TMBIM6: variants seen among roughly 807,000 people sequenced by gnomAD.
TMBIM6 encodes the protein transmembrane BAX inhibitor motif containing 6, also known as bax inhibitor 1.
Under a neutral mutation model 31.4 loss-of-function variants are expected in TMBIM6, and 13 were observed. The ratio of observed to expected loss-of-function variants is 0.41; its 90% confidence interval spans 0.27 to 0.66. The LOEUF is 0.66. Among genes scored for constraint, TMBIM6 ranks in the 30% least tolerant of loss-of-function variants. The pLI is 0.28. For synonymous variants in TMBIM6, 85 were observed against 101.7 expected, an observed-to-expected ratio of 0.84 and a Z score of 0.99; for missense variants, 275 against 289.5, an observed-to-expected ratio of 0.95 and a Z score of 0.36.
chr12:49,763,234 TC>T lies in TMBIM6; in HGVS notation c.*339del. ...AGTCCGCTTTCCCACCAGGCTTCAT[TC>T]ACCCAGTGGACCTGAACTGTTTGGT... On this transcript the variant is annotated 3_prime_UTR_variant, in exon 10 of 10. Transcript: ENST00000267115. 4.1e-6 allele frequency: 1 copy of T among 244,412 alleles called. No homozygotes were observed. The highest frequency in any genetic ancestry group is 8.2e-6 in the Non-Finnish European group (1 of 122,064). 15.1% of individuals were successfully genotyped at this position (244,412 alleles called of 1,614,324 possible). A position where few individuals can be genotyped will look rare whatever the true frequency, so the allele number is the denominator to read the frequency against.
intron 7 of TMBIM6, 23 bp downstream of exon 7, chr12:49,758,785 C>T: frequency 6.3e-7 from 1 of 1,597,196 alleles, no homozygotes. Flanking sequence ...CTGGAACTTT[C>T]CAGCAGCCAT....
At chr12:49,759,193 T>C (rs769293472) in intron 7 of TMBIM6, 28 bp from the exon 8 acceptor site, 1 of 1,591,820 alleles carries the variant, frequency 6.3e-7, no homozygotes, top group Non-Finnish European at 8.6e-7. Flanking sequence ...TTCTGCTGTA[T>C]AGTAACTTCA....
In TMBIM6 at chr12:49,763,676, T is replaced by C. The variant is rs988815749; in HGVS notation, c.*780T>C. 1 of 152,234 alleles carries C rather than the reference T, an allele frequency of 6.6e-6. No homozygotes were observed. The highest frequency in any genetic ancestry group is 2.4e-5 in the African/African-American group (1 of 41,436). The allele number at this position is 152,234 out of a possible 1,614,324, so 9.4% of individuals were successfully genotyped here. A position where few individuals can be genotyped will look rare whatever the true frequency, so the allele number is the denominator to read the frequency against. On this transcript the variant is annotated 3_prime_UTR_variant, in exon 10 of 10. Transcript: ENST00000267115. Reference sequence around the variant, plus strand: ...GGGTTCCCCTAAACTTGCCCTGTTTTTGTTTTTTTAGTTTGTTATCCCCTT... The same window carrying C: ...GGGTTCCCCTAAACTTGCCCTGTTTCTGTTTTTTTAGTTTGTTATCCCCTT...
Position 49,755,665 on chromosome 12 carries a change from A to G in TMBIM6, c.196A>G (p.Ile66Val). 1 of 1,614,136 alleles carries G rather than the reference A, an allele frequency of 6.2e-7. No homozygotes were observed. Among genetic ancestry groups the G allele is most frequent in the Middle Eastern group, 1.6e-4 (1 of 6,062 alleles). Residue 66 changes from isoleucine (I) to valine (V), a missense_variant, in exon 4 of 10, where the codon ATA (isoleucine) becomes GTA (valine). Transcript: ENST00000267115. The stretch of plus-strand genomic sequence containing the variant: ...CCTGCTGTCTGCCTTGGGCTCCCTG[A>G]TATTGATGATTTGGCTGATGGCAAC... Reference protein sequence around the residue: ...AGLLSALGSLILMIWLMATPH... With the variant: ...AGLLSALGSLVLMIWLMATPH...
intron 8 of TMBIM6, 70 bp downstream of exon 8, chr12:49,759,391 T>C: frequency 7.4e-7 from 1 of 1,358,536 alleles, no homozygotes; most frequent in Admixed American, 1.7e-5. Context: ...GAACTTAGGT[T>C]GGCATTGGCT....
chr12:49,755,716 A>G lies in TMBIM6; in HGVS notation c.247A>G (p.Lys83Glu). 1 of 1,614,178 alleles carries G rather than the reference A, an allele frequency of 6.2e-7. No homozygotes were observed. The highest frequency in any genetic ancestry group is 8.5e-7 in the Non-Finnish European group (1 of 1,179,994). The change falls in exon 4 of 10, where the codon AAA (lysine) becomes GAA (glutamate). Residue 83 changes from lysine to glutamate, a missense_variant. Transcript: ENST00000267115. ...ACCTCATAGCCATGAAACTGAACAG[A>G]AAAGACTGGGACTTCTTGCTGGATT... ...ATPHSHETEQ[K>E]RLGLLAGFAF...
chr12:49,747,929 A>C (rs1023072554), intron 1 of TMBIM6, among the ~76,000 whole-genome samples: 1 of 152,088 alleles, frequency 6.6e-6, no homozygotes, highest in Non-Finnish European at 1.5e-5. Context: ...TTTTACACGT[A>C]GTCTCGCACT....
Position 49,744,305 on chromosome 12 carries a change from C to T in TMBIM6, c.-31+2694C>T, listed in dbSNP as rs114121200. On this transcript the variant is annotated intron_variant, in intron 1 of 9. Transcript: ENST00000267115. ...GGGTATTAATTTTCTCTAGAGAAAC[C>T]ATTGAATATTCTGATGCTCTAACTT... 1.9e-3 allele frequency: 293 copies of T among 152,188 alleles called. 1 individual carries two copies. The highest frequency in any genetic ancestry group is 6.8e-3 in the African/African-American group (282 of 41,516). The allele number at this position is 152,188 out of a possible 1,614,324, so 9.4% of individuals were successfully genotyped here.
chr12:49,745,691 CT>C (rs1945377766), intron 1 of TMBIM6, among the ~76,000 whole-genome samples: 1 of 147,368 alleles, frequency 6.8e-6, no homozygotes, highest in Non-Finnish European at 1.5e-5. Context: ...TGCCACTGCA[CT>C]CCAGCCTGGG....
chr12:49,757,656 A>ATC (rs1378497704), intron 4 of TMBIM6, among the ~76,000 whole-genome samples: 3 of 152,242 alleles, frequency 2.0e-5, no homozygotes, highest in African/African-American at 7.2e-5. Flanking sequence ...AAATTTTTGC[A>ATC]TCAGGGCAAG....
intron 3 of TMBIM6, among the ~76,000 whole-genome samples, chr12:49,753,457 T>C (rs1318814169): frequency 1.3e-5 from 2 of 152,212 alleles, no homozygotes; most frequent in African/African-American, 4.8e-5. Context: ...AGAGGCAGGA[T>C]TGAGATCTTT....
intron 1 of TMBIM6, among the ~76,000 whole-genome samples, chr12:49,746,711 G>A (rs2136930693): frequency 6.6e-6 from 1 of 152,116 alleles, no homozygotes; most frequent in South Asian, 2.1e-4. Flanking sequence ...GTTATACAGT[G>A]TATGAACATT....
chr12:49,754,897 CT>C (rs1357064187), intron 3 of TMBIM6, among the ~76,000 whole-genome samples: 2 of 152,266 alleles, frequency 1.3e-5, no homozygotes, highest in African/African-American at 4.8e-5. Context: ...CATTTTAGTA[CT>C]TTGCAGTCTT....
rs760770855 is a variant in TMBIM6 at position 49,761,779 on chromosome 12, GGTTA to G, written c.690+6_690+9del. On this transcript the variant is annotated splice_donor_variant and splice_donor_region_variant and intron_variant, in intron 9 of 9. Transcript: ENST00000267115. LOFTEE classifies it high-confidence loss of function. ...TGATGATCCTGGCCATGAATGAAAA[GGTTA>G]GTTAGCCTACAACCCAAAGATGAGA... The G allele has an allele frequency of 3.7e-6, 6 of 1,614,020 alleles. No individual in the cohort carries two copies. The African/African-American group carries it at 8.0e-5, about 22-fold the overall frequency.
chr12:49,761,606 C>T lies in TMBIM6; in HGVS notation c.615-98C>T, dbSNP rs1256007488. On this transcript the variant is annotated intron_variant, in intron 8 of 9. Coordinates refer to ENST00000267115, the MANE Select transcript of TMBIM6 (RefSeq NM_003217.3). ...GGGGGTAAAGTGTGGGAGAAGCTGGCTCGTGGGGGTAGGGGTGGGGTTTAT... is the reference window on the plus strand; with the variant it reads ...GGGGGTAAAGTGTGGGAGAAGCTGGTTCGTGGGGGTAGGGGTGGGGTTTAT... 5 of 1,058,878 alleles carry T rather than the reference C, an allele frequency of 4.7e-6. No individual in the cohort carries two copies. The African/African-American group carries it at 6.9e-5, about 15-fold the overall frequency. The allele number at this position is 1,058,878 out of a possible 1,614,324, so 65.6% of individuals were successfully genotyped here.
intron 8 of TMBIM6, among the ~76,000 whole-genome samples, chr12:49,761,330 C>A (rs57291131): frequency 0.096 from 14,611 of 151,992 alleles, 920 homozygotes; most frequent in African/African-American, 0.18. Flanking sequence ...CCTCCCATCT[C>A]AGCCTCCTCA....
chr12:49,755,875 C>T, intron 4 of TMBIM6, 120 bp downstream of exon 4: 6 of 1,214,398 alleles, frequency 4.9e-6, no homozygotes, highest in Non-Finnish European at 6.8e-6. Context: ...GCTCTGTTGC[C>T]CAGGCCAGAG....
At chr12:49,759,940 G>C (rs979216677) in intron 8 of TMBIM6, among the ~76,000 whole-genome samples, 1 of 151,520 alleles carries the variant, frequency 6.6e-6, no homozygotes, top group Non-Finnish European at 1.5e-5. Flanking sequence ...GTGAAACCCT[G>C]TCTCTACTAA....
At chr12:49,758,512 G>A (rs760858134) in intron 6 of TMBIM6, 32 bp downstream of exon 6, 1 of 1,607,708 alleles carries the variant, frequency 6.2e-7, no homozygotes. Context: ...GGGAATGGGG[G>A]CTCCTTTTTA....
Sources: allele counts gnomAD v4.1 joint callset (sites outside exome capture counted in the v4.1 genomes callset), GRCh38; gene constraint gnomAD v4.1.1; transcripts MANE v1.5; gene names NCBI Gene and HGNC (gene_info 2026-07-23, HGNC 2026-07-21).